Variants in UBE3A observed in about 807,000 individuals in gnomAD.
UBE3A encodes the protein ubiquitin-protein ligase E3A.
In UBE3A, 6 loss-of-function variants were observed where a neutral mutation model predicts 83.4. The observed-to-expected ratio is 0.07, with a 90% CI of 0.04 to 0.14. The LOEUF (loss-of-function observed/expected upper bound fraction) is 0.14. Among genes scored for constraint, UBE3A ranks in the 10% least tolerant of loss-of-function variants. UBE3A has a pLI of 1.00. For missense variants in UBE3A, 456 were observed against 1,036.1 expected, an observed-to-expected ratio of 0.44 and a Z score of 7.69; for synonymous variants, 337 against 355.4, an observed-to-expected ratio of 0.95 and a Z score of 0.58.
intron 4 of UBE3A, among the ~76,000 whole-genome samples, chr15:25,394,359 T>C (rs1446875121): frequency 1.3e-5 from 2 of 152,200 alleles, no homozygotes; most frequent in African/African-American, 4.8e-5. Flanking sequence ...GACTACCTCC[T>C]GGTTTCGAGT....
intron 4 of UBE3A, among the ~76,000 whole-genome samples, chr15:25,393,088 T>C (rs2084785661): frequency 6.6e-6 from 1 of 152,118 alleles, no homozygotes; most frequent in African/African-American, 2.4e-5. Context: ...AATTTGCCTT[T>C]TCAATAACTG....
chr15:25,365,886 A>G (rs967269827), intron 6 of UBE3A, among the ~76,000 whole-genome samples: 4 of 152,360 alleles, frequency 2.6e-5, no homozygotes, highest in Non-Finnish European at 4.4e-5. Context: ...CACATGAAGA[A>G]AAGTCTGTTA....
At chr15:25,378,855 A>AC (rs1373475981) in intron 4 of UBE3A, among the ~76,000 whole-genome samples, 2 of 152,194 alleles carry the variant, frequency 1.3e-5, no homozygotes, top group Non-Finnish European at 2.9e-5. Context: ...ACAAAGGCAG[A>AC]CCAAGTTTCT....
At chr15:25,362,812 G>A (rs2078339295) in intron 6 of UBE3A, among the ~76,000 whole-genome samples, 1 of 152,094 alleles carries the variant, frequency 6.6e-6, no homozygotes, top group Admixed American at 6.6e-5. Flanking sequence ...CAACTGGCTA[G>A]GTGTTAAAGA....
intron 6 of UBE3A, among the ~76,000 whole-genome samples, chr15:25,367,197 A>ACATATTTGTAAATATGTAAATATTTG (rs1566940358): frequency 9.3e-4 from 115 of 123,300 alleles, no homozygotes; most frequent in East Asian, 1.7e-3. Context: ...GTAAATATTT[A>ACATATTTGTAAATATGTAAATATTTG]CATATTTGTA....
intron 3 of UBE3A, chr15:25,407,404 A>G: frequency 2.2e-6 from 1 of 447,466 alleles, no homozygotes; most frequent in Non-Finnish European, 3.1e-6. Context: ...GGTAAGACAC[A>G]AGAAGAAAAA....
intron 1 of UBE3A, among the ~76,000 whole-genome samples, chr15:25,433,330 T>G (rs1420339007): frequency 6.6e-6 from 1 of 151,976 alleles, no homozygotes; most frequent in Non-Finnish European, 1.5e-5. Flanking sequence ...ACTACAGGCA[T>G]GCGCCACCAC....
rs58701157 is a variant in UBE3A, at chr15:25,389,888, A to AACAGACAGACAG, written c.63-14137_63-14126dup. ...GGGTGACAGAGCGAGGCTCTGTCTC[A>AACAGACAGACAG]ACAGACAGACAGACAGACAGACAAG... is the stretch of plus-strand genomic sequence containing the variant. On this transcript the variant is annotated intron_variant, in intron 4 of 12. Transcript: ENST00000648336. Among the ~76,000 whole-genome samples the AACAGACAGACAG allele has an allele frequency of 6.1e-3, 930 of 151,880 alleles. 15 individuals are homozygous for AACAGACAGACAG. Among genetic ancestry groups the AACAGACAGACAG allele is most frequent in the Middle Eastern group, 0.01 (3 of 294 alleles).
intron 4 of UBE3A, chr15:25,391,751 G>C (rs537334309): frequency 1.8e-4 from 28 of 152,284 alleles, no homozygotes; most frequent in African/African-American, 6.5e-4. Flanking sequence ...AAGAAAACAA[G>C]TTTAAGATAG....
At position 25,337,831 on chromosome 15, in the gene UBE3A, T is replaced by C. The variant is rs1423373208; in HGVS notation, c.*1306A>G. The C allele has an allele frequency of 6.6e-6, 1 of 152,122 alleles. No individual in the cohort carries two copies. The highest frequency in any genetic ancestry group is 1.9e-4 in the East Asian group (1 of 5,192). 9.4% of individuals were successfully genotyped at this position (152,122 alleles called of 1,614,324 possible). On this transcript the variant is annotated 3_prime_UTR_variant, in exon 13 of 13. Transcript: ENST00000648336. The stretch of plus-strand genomic sequence containing the variant: ...AATAAAAGAAATTAACAACATCACA[T>C]ACACAGAAGACTAGGAAAGGGGAAA...
chr15:25,396,586 G>A (rs1283420411), intron 4 of UBE3A, among the ~76,000 whole-genome samples: 1 of 152,172 alleles, frequency 6.6e-6, no homozygotes, highest in Non-Finnish European at 1.5e-5. Flanking sequence ...TCACACCACT[G>A]CACTCTAGCT....
At chr15:25,385,145 G>C (rs1470248795) in intron 4 of UBE3A, among the ~76,000 whole-genome samples, 1 of 152,062 alleles carries the variant, frequency 6.6e-6, no homozygotes, top group East Asian at 1.9e-4. Context: ...AAAGCAAACA[G>C]TAAATGGAGT....
chr15:25,376,842 C>T (rs2081311617), intron 4 of UBE3A, among the ~76,000 whole-genome samples: 2 of 125,022 alleles, frequency 1.6e-5, no homozygotes, highest in Non-Finnish European at 3.3e-5. Flanking sequence ...CCTATTATGG[C>T]TGTTTCAGGA....
At chr15:25,399,514 C>T (rs1264919852) in intron 4 of UBE3A, among the ~76,000 whole-genome samples, 2 of 152,086 alleles carry the variant, frequency 1.3e-5, no homozygotes, top group Non-Finnish European at 2.9e-5. Flanking sequence ...TGATAGTACA[C>T]GAATTTATTT....
chr15:25,386,197 T>TA (rs2083098562), intron 4 of UBE3A, among the ~76,000 whole-genome samples: 1 of 152,076 alleles, frequency 6.6e-6, no homozygotes, highest in Admixed American at 6.6e-5. Context: ...ATAAGCTCAC[T>TA]AAAAAGACTG....
At chr15:25,384,497 A>C (rs772684372) in intron 4 of UBE3A, among the ~76,000 whole-genome samples, 149 of 151,912 alleles carry the variant, frequency 9.8e-4, no homozygotes, top group Non-Finnish European at 1.5e-3. Flanking sequence ...TTATACAACA[A>C]TGCTGAAAGA....
chr15:25,424,276 T>G (rs1322696775), intron 1 of UBE3A, among the ~76,000 whole-genome samples: 2 of 152,192 alleles, frequency 1.3e-5, no homozygotes, highest in East Asian at 3.9e-4. Context: ...CCCTATTCAC[T>G]ACACTCTGCC....
chr15:25,353,083 T>A (rs1220568654), intron 11 of UBE3A, among the ~76,000 whole-genome samples: 1 of 152,208 alleles, frequency 6.6e-6, no homozygotes, highest in Non-Finnish European at 1.5e-5. Context: ...ATCAATCATA[T>A]TACAGAGATA....
At chr15:25,375,892 G>C in intron 4 of UBE3A, 129 bp from the exon 5 acceptor site, 1 of 982,816 alleles carries the variant, frequency 1.0e-6, no homozygotes, top group Non-Finnish European at 1.6e-6. Context: ...ATGAGAAGTA[G>C]AAAATGGAGA....
Sources: gnomAD v4.1 joint callset for allele counts (sites outside exome capture counted in the v4.1 genomes callset) on GRCh38, gnomAD v4.1.1 for gene constraint, MANE v1.5 for transcripts, NCBI Gene and HGNC (gene_info 2026-07-23, HGNC 2026-07-21) for gene names.